The following MID1 variants were observed in gnomAD, a reference collection of about 807,000 sequenced individuals.
MID1 encodes the protein E3 ubiquitin-protein ligase Midline-1.
A neutral mutation model predicts 40.4 loss-of-function variants in MID1; 7 were observed. That is an observed-to-expected ratio of 0.17 (90% CI 0.10 to 0.33). MID1 has a LOEUF of 0.33. Among genes scored for constraint, MID1 ranks in the 10% least tolerant of loss-of-function variants. The pLI is 1.00. For synonymous variants in MID1, 229 were observed against 221.2 expected, an observed-to-expected ratio of 1.04 and a Z score of -0.31; for missense variants, 367 against 558.5, an observed-to-expected ratio of 0.66 and a Z score of 3.46.
chrX:10,463,907 C>T (rs1006827570), intron 7 of MID1, among the ~76,000 whole-genome samples: 2 of 112,404 alleles, frequency 1.8e-5, no homozygotes, highest in East Asian at 2.8e-4. Flanking sequence ...CTTTGCCTAT[C>T]GGTTAGCTTT....
At chrX:10,644,120 G>T (rs770686202) in intron 1 of MID1, among the ~76,000 whole-genome samples, 1 of 111,145 alleles carries the variant, frequency 9.0e-6, no homozygotes, top group Non-Finnish European at 1.9e-5. Context: ...AAACCTGCAC[G>T]TTGTGCACAT....
At chrX:10,531,499 C>T (rs1932971372) in intron 2 of MID1, among the ~76,000 whole-genome samples, 1 of 112,132 alleles carries the variant, frequency 8.9e-6, no homozygotes, top group South Asian at 3.7e-4. Context: ...GTCTAGTATT[C>T]CATGGACTAC....
At chrX:10,577,251 G>A (rs376894549) in intron 1 of MID1, among the ~76,000 whole-genome samples, 1 of 111,961 alleles carries the variant, frequency 8.9e-6, no homozygotes, top group African/African-American at 3.2e-5. Flanking sequence ...AGCTTTCAAT[G>A]CCACCAATAG....
At chrX:10,657,938 AC>A in intron 1 of MID1, among the ~76,000 whole-genome samples, 1 of 111,927 alleles carries the variant, frequency 8.9e-6, no homozygotes, top group South Asian at 3.7e-4. Context: ...TAGATCCAAA[AC>A]TTTTACAGAG....
chrX:10,658,723 G>A (rs1405794003), intron 1 of MID1, among the ~76,000 whole-genome samples: 9 of 111,008 alleles, frequency 8.1e-5, no homozygotes, highest in Non-Finnish European at 1.5e-4. Context: ...CAAGAGACAT[G>A]AGAGGGAGCT....
At chrX:10,803,402 G>C (rs1358327246) in intron 1 of MID1, among the ~76,000 whole-genome samples, 2 of 103,031 alleles carry the variant, frequency 1.9e-5, no homozygotes, top group Non-Finnish European at 3.9e-5. Flanking sequence ...GCCCAGGCTG[G>C]AGTGCAGAGG....
intron 1 of MID1, among the ~76,000 whole-genome samples, chrX:10,790,075 C>A (rs1448866049): frequency 1.8e-5 from 2 of 111,614 alleles, no homozygotes; most frequent in African/African-American, 6.5e-5. Flanking sequence ...AAATATCCTC[C>A]CCCTACCACT....
At chrX:10,489,454 T>C (rs1930808018) in intron 4 of MID1, among the ~76,000 whole-genome samples, 1 of 112,251 alleles carries the variant, frequency 8.9e-6, no homozygotes, top group African/African-American at 3.2e-5. Context: ...CATACAGATA[T>C]CCAATTGCTC....
At chrX:10,809,949 A>G (rs1455783657) in intron 1 of MID1, among the ~76,000 whole-genome samples, 5 of 111,416 alleles carry the variant, frequency 4.5e-5, no homozygotes, top group African/African-American at 6.5e-5. Context: ...ATAAAATAAA[A>G]TAAAAAAGAA....
At chrX:10,693,074 C>T (rs1800675402) in intron 1 of MID1, among the ~76,000 whole-genome samples, 1 of 111,442 alleles carries the variant, frequency 9.0e-6, no homozygotes, top group African/African-American at 3.3e-5. Context: ...TTTTCCTGCC[C>T]TTAAATTTCT....
intron 1 of MID1, among the ~76,000 whole-genome samples, chrX:10,669,195 C>G (rs186826021): frequency 0.073 from 7,008 of 95,649 alleles, 446 homozygotes; most frequent in African/African-American, 0.2. Context: ...GTCCGCAGTC[C>G]GGCCTGGGCG....
chrX:10,457,317 G>T (rs1283663324), intron 8 of MID1, among the ~76,000 whole-genome samples: 1 of 111,424 alleles, frequency 9.0e-6, no homozygotes, highest in African/African-American at 3.3e-5. Context: ...CGCATGTGTG[G>T]AGCAGAATCA....
intron 1 of MID1, among the ~76,000 whole-genome samples, chrX:10,633,702 C>G (rs183517370): frequency 1.8e-5 from 2 of 111,706 alleles, no homozygotes; most frequent in East Asian, 5.6e-4. Context: ...AATCCTCCCG[C>G]CTTGGCCTCC....
intron 9 of MID1, among the ~76,000 whole-genome samples, chrX:10,454,018 C>T (rs1191332451): frequency 1.8e-5 from 2 of 112,386 alleles, no homozygotes; most frequent in Admixed American, 9.4e-5. Context: ...TAAAATAGCT[C>T]CCTTTTTGAT....
chrX:10,608,895 T>C (rs1422266910), intron 1 of MID1, among the ~76,000 whole-genome samples: 2 of 112,042 alleles, frequency 1.8e-5, no homozygotes, highest in Non-Finnish European at 3.8e-5. Flanking sequence ...AGTGTAATTT[T>C]ATTTCTAGGT....
chrX:10,728,964 A>G (rs1443452131), intron 1 of MID1, among the ~76,000 whole-genome samples: 3 of 111,855 alleles, frequency 2.7e-5, no homozygotes, highest in East Asian at 2.8e-4. Flanking sequence ...TTATTCTTTA[A>G]TGCTTCAGTT....
At chrX:10,723,340 A>C (rs372388392) in intron 1 of MID1, among the ~76,000 whole-genome samples, 1 of 111,846 alleles carries the variant, frequency 8.9e-6, no homozygotes, top group African/African-American at 3.3e-5. Context: ...TTGCATAAAC[A>C]AGCCTCACTC....
At chrX:10,739,593 G>A (rs1204313864) in intron 1 of MID1, among the ~76,000 whole-genome samples, 2 of 111,759 alleles carry the variant, frequency 1.8e-5, no homozygotes, top group Non-Finnish European at 3.8e-5. Flanking sequence ...TAGAATATCA[G>A]GGAACTATCT....
Position 10,547,202 on chromosome X carries a change from G to A in MID1, c.660+19686C>T, listed in dbSNP as rs1001481160. 4.5e-5 allele frequency among the ~76,000 whole-genome samples: 5 copies of A among 111,465 alleles called. No individual in the cohort carries two copies. The South Asian group carries it at 1.5e-3, about 34-fold the overall frequency. On this transcript the variant is annotated intron_variant, in intron 2 of 9. Coordinates refer to ENST00000317552, the MANE Select transcript of MID1 (RefSeq NM_000381.4). ...CAGCTACTCTGGAGGCTGAGCCGGG[G>A]AGGTCGAGGCTGCAGTGAGCCATGA... is the stretch of plus-strand genomic sequence containing the variant.
Sources: allele counts gnomAD v4.1 joint callset (sites outside exome capture counted in the v4.1 genomes callset), GRCh38; gene constraint gnomAD v4.1.1; transcripts MANE v1.5; gene names NCBI Gene and HGNC (gene_info 2026-07-23, HGNC 2026-07-21).